Variants in TEPSIN observed in about 807,000 individuals in gnomAD.
The protein encoded by TEPSIN is TEPSIN adaptor related protein complex 4 accessory protein, also known as AP-4 complex accessory subunit tepsin.
In TEPSIN, 50 loss-of-function variants were observed where a neutral mutation model predicts 48.5. The ratio of observed to expected loss-of-function variants is 1.03; its 90% CI spans 0.82 to 1.31. The LOEUF (loss-of-function observed/expected upper bound fraction) is 1.31. Among genes scored for constraint, TEPSIN ranks in the 50% most tolerant of loss-of-function variants. The probability of loss-of-function intolerance (pLI) is 0.00; values close to 1 mark genes in which losing one functional copy is unlikely to be tolerated. For missense variants in TEPSIN, 838 were observed against 815.9 expected (o/e 1.03, Z -0.33); for synonymous variants, 392 against 358.8 (o/e 1.09, Z -1.05).
chr17:81,236,954 T>C, intron 3 of TEPSIN, 26 bp downstream of exon 3: 1 of 1,554,624 alleles, frequency 6.4e-7, no homozygotes, highest in South Asian at 1.2e-5. Context: ...GCCTCAGGCC[T>C]GACCCTTGAC....
Position 81,232,381 on chromosome 17 carries a change from G to C in TEPSIN, c.664C>G (p.Pro222Ala), listed in dbSNP as rs1462975181. 6.5e-7 allele frequency: 1 copy of C among 1,535,732 alleles called. No individual in the cohort carries two copies. The highest frequency in any genetic ancestry group is 8.7e-7 in the Non-Finnish European group (1 of 1,146,614). ...RGDTYQPAMM[P>A]SASHGPPTLG... The stretch of plus-strand genomic sequence containing the variant: ...GTTGGGGGACCGTGGCTGGCTGAAG[G>C]CATCATGGCAGGCTGGTAGGTGTCA... Residue 222 changes from proline (P) to alanine (A), a missense_variant, in exon 8 of 13, where the codon CCT becomes GCT. Pro to Ala is a conservative substitution (Grantham distance 27). Coordinates refer to ENST00000637944, the MANE Select transcript of TEPSIN (RefSeq NM_001363764.2).
At chr17:81,229,636 C>A in intron 12 of TEPSIN, 160 bp from the exon 13 acceptor site, 1 of 731,024 alleles carries the variant, frequency 1.4e-6, no homozygotes, top group Non-Finnish European at 2.2e-6. Flanking sequence ...GGGCAGTGCA[C>A]CCAGTTGTCA....
intron 4 of TEPSIN, among the ~76,000 whole-genome samples, chr17:81,235,305 C>G (rs1036734085): frequency 1.2e-4 from 19 of 152,224 alleles, no homozygotes; most frequent in Non-Finnish European, 2.5e-4. Context: ...TTTCCTCTTT[C>G]TGACGCTCTG....
chr17:81,236,934 C>A (rs374152092), intron 3 of TEPSIN, 46 bp downstream of exon 3: 8 of 1,540,596 alleles, frequency 5.2e-6, no homozygotes, highest in Non-Finnish European at 7.0e-6. Context: ...TCCTCACCAC[C>A]GTGGGCCGGG....
Position 81,230,448 on chromosome 17 carries a change from C to T in TEPSIN, c.1233+96G>A, listed in dbSNP as rs2062568055. 5 of 1,526,222 alleles carry T rather than the reference C, an allele frequency of 3.3e-6. No homozygotes were observed. The highest frequency in any genetic ancestry group is 3.6e-5 in the Admixed American group (2 of 55,226). The allele number at this position is 1,526,222 out of a possible 1,614,324, so 94.5% of individuals were successfully genotyped here. A position where few individuals can be genotyped will look rare whatever the true frequency, so the allele number is the denominator to read the frequency against. ...GAGAGGGGGTCCGGGAAGGGCTGAC[C>T]AGGCGCCGGGCAGGGACGGGGTGGC... On this transcript the variant is annotated intron_variant, in intron 12 of 12. Coordinates refer to ENST00000637944, the MANE Select transcript of TEPSIN (RefSeq NM_001363764.2). The surrounding 1 kb of genome is among the most constrained non-coding windows in gnomAD (Gnocchi z 4.2).
intron 4 of TEPSIN, among the ~76,000 whole-genome samples, chr17:81,235,444 T>C (rs1310735889): frequency 6.6e-6 from 1 of 152,186 alleles, no homozygotes; most frequent in Non-Finnish European, 1.5e-5. Context: ...AGCCTGTGTG[T>C]CACCCAGGGC....
chr17:81,236,772 G>A lies in TEPSIN; in HGVS notation c.243C>T (p.Ser81=). Residue 81 remains serine, a synonymous_variant, in exon 4 of 13, where the codon AGC becomes AGT. Transcript: ENST00000637944. ...TGAGCAGGAAGAAGGAGGAGCCGTG[G>A]CTGCACAGATAGAGCAGGATCTTCA... is the stretch of plus-strand genomic sequence containing the variant. ...KVLKILLYLC[S]HGSSFFLLIL... is the part of the protein sequence containing the mutation. 1 of 1,572,068 alleles carries A rather than the reference G, an allele frequency of 6.4e-7. No homozygotes were observed. Among genetic ancestry groups the A allele is most frequent in the Non-Finnish European group, 8.6e-7 (1 of 1,159,356 alleles).
rs1222323721 is a variant in TEPSIN at position 81,233,333 on chromosome 17, G to A, written c.526+99C>T. The A allele has an allele frequency of 1.4e-6, 2 of 1,395,898 alleles. No individual in the cohort carries two copies. Among genetic ancestry groups the A allele is most frequent in the Non-Finnish European group, 1.9e-6 (2 of 1,026,828 alleles). 86.5% of individuals were successfully genotyped at this position (1,395,898 alleles called of 1,614,324 possible). A position where few individuals can be genotyped will look rare whatever the true frequency, so the allele number is the denominator to read the frequency against. On this transcript the variant is annotated intron_variant, in intron 7 of 12. Coordinates refer to ENST00000637944, the MANE Select transcript of TEPSIN (RefSeq NM_001363764.2). The surrounding 1 kb of genome is among the most constrained non-coding windows in gnomAD (Gnocchi z 5.8). ...AGGCCATGTAGGGGAGGGGACGGGGGACAGCAGCTACTAGATGGGGCGGCA... is the reference window on the plus strand; with the variant it reads ...AGGCCATGTAGGGGAGGGGACGGGGAACAGCAGCTACTAGATGGGGCGGCA...
At position 81,232,527 on chromosome 17, in the gene TEPSIN, G is replaced by A. The variant is rs963066400; in HGVS notation, c.527-9C>T. 2.2e-5 allele frequency: 33 copies of A among 1,527,150 alleles called. 1 individual carries two copies. Among genetic ancestry groups the A allele is most frequent in the Middle Eastern group, 4.4e-4 (2 of 4,570 alleles). The allele number at this position is 1,527,150 out of a possible 1,614,324, so 94.6% of individuals were successfully genotyped here. The stretch of plus-strand genomic sequence containing the variant: ...GGCTTCGCCTGCCGAGCCTGTACCC[G>A]AGGAGAGGGAGATGGGACGGCCGCC... On this transcript the variant is annotated splice_polypyrimidine_tract_variant and intron_variant, in intron 7 of 12. Coordinates refer to ENST00000637944, the MANE Select transcript of TEPSIN (RefSeq NM_001363764.2).
At position 81,230,204 on chromosome 17, in the gene TEPSIN, A is replaced by G. The variant is rs2062561006; in HGVS notation, c.1233+340T>C. 2 of 310,576 alleles carry G rather than the reference A, an allele frequency of 6.4e-6. No individual in the cohort carries two copies. Among genetic ancestry groups the G allele is most frequent in the African/African-American group, 2.2e-5 (1 of 45,086 alleles). 19.2% of individuals were successfully genotyped at this position (310,576 alleles called of 1,614,324 possible). A position where few individuals can be genotyped will look rare whatever the true frequency, so the allele number is the denominator to read the frequency against. ...AGCATGAGCTGTGTCATGGGTGGCA[A>G]ACTGCATGTGCAGTCAGGGAGGGCT... On this transcript the variant is annotated intron_variant, in intron 12 of 12. Transcript: ENST00000637944. This position sits in a 1 kb window ranked among gnomAD's most constrained non-coding sequence, Gnocchi z 4.2.
In TEPSIN at chr17:81,234,264, T is replaced by G. The variant is rs2062681879; in HGVS notation, c.308-216A>C. 1 of 403,148 alleles carries G rather than the reference T, an allele frequency of 2.5e-6. No individual in the cohort carries two copies. Among genetic ancestry groups the G allele is most frequent in the South Asian group, 5.9e-5 (1 of 17,032 alleles). The allele number at this position is 403,148 out of a possible 1,614,324, so 25.0% of individuals were successfully genotyped here. On this transcript the variant is annotated intron_variant, in intron 4 of 12. Transcript: ENST00000637944. This position sits in a 1 kb window ranked among gnomAD's most constrained non-coding sequence, Gnocchi z 5.4. The stretch of plus-strand genomic sequence containing the variant: ...CACCCATGCCCCACAGAGGCGAGAC[T>G]CTCTCCACAGCAACCACCTCGTCTC...
rs143158278 is a variant in TEPSIN at position 81,230,102 on chromosome 17, G to A, written c.1233+442C>T. The A allele has an allele frequency of 4.4e-4, 75 of 169,656 alleles. No individual in the cohort carries two copies. The East Asian group carries it at 0.012, about 27-fold the overall frequency. The allele number at this position is 169,656 out of a possible 1,614,324, so 10.5% of individuals were successfully genotyped here. A position where few individuals can be genotyped will look rare whatever the true frequency, so the allele number is the denominator to read the frequency against. ...AGAGGCCTCCCCGTGTGATTCCAGT[G>A]GCCGCCAGGCAGTTCAGAGTGTTCA... On this transcript the variant is annotated intron_variant, in intron 12 of 12. Coordinates refer to ENST00000637944, the MANE Select transcript of TEPSIN (RefSeq NM_001363764.2). This position sits in a 1 kb window ranked among gnomAD's most constrained non-coding sequence, Gnocchi z 4.2.
chr17:81,238,549 G>C (rs917838588), intron 1 of TEPSIN: 1 of 941,514 alleles, frequency 1.1e-6, no homozygotes, highest in Non-Finnish European at 1.3e-6. Context: ...CGAGACGTCT[G>C]TGTTCTCTGC....
At chr17:81,237,700 G>A in intron 1 of TEPSIN, 1 of 579,134 alleles carries the variant, frequency 1.7e-6, no homozygotes, top group Non-Finnish European at 3.0e-6. Flanking sequence ...CTCCACGGAG[G>A]AGCTGCGCCA....
In TEPSIN at chr17:81,237,087, G is replaced by T. The variant is rs989491548; in HGVS notation, c.122-16C>A. ...TGGGAGATTTCTGCGGCACGCTCGG[G>T]TTAGGGAAGGGCGAGATGATGAGGG... On this transcript the variant is annotated splice_polypyrimidine_tract_variant and intron_variant, in intron 2 of 12. Transcript: ENST00000637944. 3 of 1,570,828 alleles carry T rather than the reference G, an allele frequency of 1.9e-6. No individual in the cohort carries two copies. Among genetic ancestry groups the T allele is most frequent in the Admixed American group, 1.8e-5 (1 of 54,368 alleles).
rs901027336 is a variant in TEPSIN, at chr17:81,234,864, C to T, written c.308-816G>A. ...TGTGACAGAGCAGGAGCATCACCAT[C>T]TTGGACAAGCCCCTCATTCTAAAGT... On this transcript the variant is annotated intron_variant, in intron 4 of 12. Coordinates refer to ENST00000637944, the MANE Select transcript of TEPSIN (RefSeq NM_001363764.2). This position sits in a 1 kb window ranked among gnomAD's most constrained non-coding sequence, Gnocchi z 5.4. 6.6e-6 allele frequency among the ~76,000 whole-genome samples: 1 copy of T among 152,160 alleles called. No individual in the cohort carries two copies. Among genetic ancestry groups the T allele is most frequent in the Non-Finnish European group, 1.5e-5 (1 of 68,022 alleles).
At chr17:81,238,232 T>G in intron 1 of TEPSIN, 4 of 950,822 alleles carry the variant, frequency 4.2e-6, no homozygotes, top group Non-Finnish European at 3.8e-6. Flanking sequence ...TGACACTGTT[T>G]GCCCACCACG....
Position 81,233,784 on chromosome 17 carries a change from T to A in TEPSIN, c.376-68A>T, listed in dbSNP as rs1262572754. ...CCTGCTGTACTCACCCTGCCACCCA[T>A]ATCAGCTCCGTTCTGTCCCCCGGAC... is the stretch of plus-strand genomic sequence containing the variant. On this transcript the variant is annotated intron_variant, in intron 5 of 12. Transcript: ENST00000637944. This position sits in a 1 kb window ranked among gnomAD's most constrained non-coding sequence, Gnocchi z 5.8. 6.7e-7 allele frequency: 1 copy of A among 1,481,912 alleles called. No homozygotes were observed. The highest frequency in any genetic ancestry group is 2.4e-5 in the East Asian group (1 of 41,696). The allele number at this position is 1,481,912 out of a possible 1,614,324, so 91.8% of individuals were successfully genotyped here.
intron 2 of TEPSIN, 71 bp downstream of exon 2, chr17:81,237,316 G>A: frequency 6.6e-7 from 1 of 1,526,298 alleles, no homozygotes. Context: ...GAATCCCCAG[G>A]AACCCTTTGC....
Sources: allele counts gnomAD v4.1 joint callset (sites outside exome capture counted in the v4.1 genomes callset), GRCh38; gene constraint gnomAD v4.1.1; non-coding constraint Gnocchi (gnomAD v3.1); transcripts MANE v1.5; gene names NCBI Gene and HGNC (gene_info 2026-07-23, HGNC 2026-07-21).